Variants in NUMBL observed in about 807,000 individuals in gnomAD.
The protein encoded by NUMBL is NUMB like endocytic adaptor protein.
In NUMBL, 20 loss-of-function variants were observed where a neutral mutation model predicts 48.9. That is an observed-to-expected ratio of 0.41 (90% CI 0.29 to 0.59). NUMBL has a LOEUF of 0.59. Ranked by LOEUF, NUMBL falls within the 20% of genes least tolerant of loss-of-function variation. The probability of loss-of-function intolerance (pLI) is 0.31; values close to 1 mark genes in which losing one functional copy is unlikely to be tolerated. For missense variants in NUMBL, 660 were observed against 846.2 expected (o/e 0.78, Z 2.73); for synonymous variants, 340 against 348.7 (o/e 0.98, Z 0.28).
At position 40,684,400 on chromosome 19, in the gene NUMBL, C is replaced by T. The variant is rs1599913101; in HGVS notation, c.249+17G>A. 6.5e-7 allele frequency: 1 copy of T among 1,548,400 alleles called. No individual in the cohort carries two copies. The highest frequency in any genetic ancestry group is 8.7e-7 in the Non-Finnish European group (1 of 1,151,996). Reference sequence around the variant, plus strand: ...CCCGTCCCCCTCGCCCCGCCGCACCCTGCCGCGCCCACTCACCCTGACCGG... The same window carrying T: ...CCCGTCCCCCTCGCCCCGCCGCACCTTGCCGCGCCCACTCACCCTGACCGG... On this transcript the variant is annotated intron_variant, in intron 3 of 9. Transcript: ENST00000252891.
intron 2 of NUMBL, 34 bp from the exon 3 acceptor site, chr19:40,684,590 T>A: frequency 6.3e-7 from 1 of 1,575,158 alleles, no homozygotes; most frequent in Non-Finnish European, 8.7e-7. Context: ...GGGTCAAGGG[T>A]GGGGGTCAGA....
rs997686406 is a variant in NUMBL, at chr19:40,675,802, C to A, written c.730+1430G>T. On this transcript the variant is annotated intron_variant, in intron 7 of 9. Transcript: ENST00000252891. ...AAAAGTATCATTAAATTATATTTAA[C>A]CCTTATGCCATTCAATATACTCTGA... is the stretch of plus-strand genomic sequence containing the variant. 2.0e-5 allele frequency among the ~76,000 whole-genome samples: 3 copies of A among 152,082 alleles called. No individual in the cohort carries two copies. In the East Asian group the frequency reaches 5.8e-4, roughly 29 times the overall value.
At chr19:40,679,145 T>A (rs143174710) in intron 6 of NUMBL, among the ~76,000 whole-genome samples, 34 of 151,078 alleles carry the variant, frequency 2.3e-4, no homozygotes, top group African/African-American at 6.3e-4. Context: ...ATCCGAGCAC[T>A]TTGGGAGGCC....
At position 40,667,902 on chromosome 19, in the gene NUMBL, G is replaced by A. The variant is rs756718954; in HGVS notation, c.1396C>T (p.Pro466Ser). ...GGTGCAGCGTCAAAGGGCCCCACGGGGGCGGGGAAAGGCTGCAGGGCAGGA... is the reference window on the plus strand; with the variant it reads ...GGTGCAGCGTCAAAGGGCCCCACGGAGGCGGGGAAAGGCTGCAGGGCAGGA... ...MPPALQPFPA[P>S]VGPFDAAPAQ... The change falls in exon 10 of 10, where the codon CCC (proline) becomes TCC (serine). Residue 466 changes from proline to serine, a missense_variant. Around this residue, in one of 3 missense-constraint regions of NUMBL, gnomAD observed 296 missense variants for 339.7 expected, o/e 0.87. Coordinates refer to ENST00000252891, the MANE Select transcript of NUMBL (RefSeq NM_004756.5). The surrounding 1 kb of genome is among the most constrained non-coding windows in gnomAD (Gnocchi z 6.1). 6.3e-7 allele frequency: 1 copy of A among 1,576,914 alleles called. No homozygotes were observed. The highest frequency in any genetic ancestry group is 8.6e-7 in the Non-Finnish European group (1 of 1,161,418).
At chr19:40,690,384 C>T (rs2081959192) in intron 1 of NUMBL, 76 bp downstream of exon 1, 2 of 893,492 alleles carry the variant, frequency 2.2e-6, no homozygotes, top group African/African-American at 1.7e-5. Flanking sequence ...CCGGGCGCCG[C>T]GGCCGCCTCC....
In NUMBL at chr19:40,684,389, C is replaced by G. The variant is rs1262712618; in HGVS notation, c.249+28G>C. On this transcript the variant is annotated intron_variant, in intron 3 of 9. Transcript: ENST00000252891. ...GCACAGCGGCCCCCGTCCCCCTCGC[C>G]CCGCCGCACCCTGCCGCGCCCACTC... 1.9e-6 allele frequency: 3 copies of G among 1,539,496 alleles called. No homozygotes were observed. In the African/African-American group the frequency reaches 4.1e-5, roughly 21 times the overall value.
At chr19:40,670,242 A>G (rs1421443640) in intron 8 of NUMBL, among the ~76,000 whole-genome samples, 1 of 152,214 alleles carries the variant, frequency 6.6e-6, no homozygotes, top group Non-Finnish European at 1.5e-5. Context: ...TGACAGTAAC[A>G]GGGACCCCAA....
chr19:40,676,800 A>G (rs1303150067), intron 7 of NUMBL, among the ~76,000 whole-genome samples: 1 of 151,766 alleles, frequency 6.6e-6, no homozygotes, highest in Non-Finnish European at 1.5e-5. Flanking sequence ...AACTCTTTCC[A>G]TGGAAGTTGC....
At chr19:40,683,746 AAT>A in intron 3 of NUMBL, among the ~76,000 whole-genome samples, 1 of 148,702 alleles carries the variant, frequency 6.7e-6, no homozygotes, top group South Asian at 2.2e-4. Flanking sequence ...GCTTCCAGGT[AAT>A]AGTTTGCTGG....
chr19:40,669,225 T>A (rs1233140022), intron 9 of NUMBL, among the ~76,000 whole-genome samples: 1 of 152,076 alleles, frequency 6.6e-6, no homozygotes, highest in African/African-American at 2.4e-5. Flanking sequence ...AGATGATCTG[T>A]GTTTCTAAGG....
intron 6 of NUMBL, 129 bp downstream of exon 6, chr19:40,680,776 CGTGAGTATACTT>C: frequency 1.1e-6 from 1 of 944,076 alleles, no homozygotes; most frequent in Non-Finnish European, 1.6e-6. Context: ...AATTGGGAAC[CGTGAGTATACTT>C]TCTTCTCCAG....
At position 40,686,562 on chromosome 19, in the gene NUMBL, G is replaced by GTGTGTA. The variant is rs1482109865; in HGVS notation, c.109+348_109+349insTACACA. Among the ~76,000 whole-genome samples the GTGTGTA allele has an allele frequency of 4.0e-5, 6 of 151,894 alleles. No individual in the cohort carries two copies. In the East Asian group the frequency reaches 5.8e-4, roughly 15 times the overall value. ...GTGTTGTCTAGGAATGTGTGTGTGT[G>GTGTGTA]TATATATGTGTGTACATTAGTGTGA... On this transcript the variant is annotated intron_variant, in intron 2 of 9. Coordinates refer to ENST00000252891, the MANE Select transcript of NUMBL (RefSeq NM_004756.5).
Position 40,684,547 on chromosome 19 carries a change from C to A in NUMBL, c.119G>T (p.Gly40Val). The change falls in exon 3 of 10, where the codon GGC becomes GTC. Residue 40 changes from glycine to valine, a missense_variant. By Grantham distance (109) the Gly-to-Val change is moderately radical. Transcript: ENST00000252891. ...ETCRTEPDGA[G>V]TMNKLRQSLR... ...GCTCTGCCGTAACTTGTTCATGGTGCCCGCCCCGTCTGGTGACACAGGACA... is the reference window on the plus strand; with the variant it reads ...GCTCTGCCGTAACTTGTTCATGGTGACCGCCCCGTCTGGTGACACAGGACA... The A allele has an allele frequency of 6.2e-7, 1 of 1,607,738 alleles. No individual in the cohort carries two copies. Among genetic ancestry groups the A allele is most frequent in the Non-Finnish European group, 8.5e-7 (1 of 1,176,246 alleles).
In NUMBL at chr19:40,677,440, C is replaced by A; in HGVS notation, c.541-19G>T. On this transcript the variant is annotated intron_variant, in intron 6 of 9. Transcript: ENST00000252891. ...TCTCGCCCTATGGGGAGAGGATGGG[C>A]GGGGGGGTTAGAGGCGCTGGGCAGT... 1 of 1,600,132 alleles carries A rather than the reference C, an allele frequency of 6.2e-7. No homozygotes were observed.
In NUMBL at chr19:40,673,786, G is replaced by T; in HGVS notation, c.731-137C>A. 3 of 823,588 alleles carry T rather than the reference G, an allele frequency of 3.6e-6. No homozygotes were observed. The highest frequency in any genetic ancestry group is 2.1e-5 in the South Asian group (1 of 48,544). 51.0% of individuals were successfully genotyped at this position (823,588 alleles called of 1,614,324 possible). On this transcript the variant is annotated intron_variant, in intron 7 of 9. Transcript: ENST00000252891. The surrounding 1 kb of genome is among the most constrained non-coding windows in gnomAD (Gnocchi z 5.9). ...CTGCCCTTAAGACAAGCTAGTCAAA[G>T]CCCTGAGATATCCCTCACCCCCACC...
At chr19:40,684,373 C>G in intron 3 of NUMBL, 44 bp downstream of exon 3, 1 of 1,527,214 alleles carries the variant, frequency 6.5e-7, no homozygotes, top group East Asian at 2.5e-5. Flanking sequence ...AGCACAGCGG[C>G]CCCCGTCCCC....
chr19:40,669,372 CATG>C (rs1169797706), intron 9 of NUMBL, among the ~76,000 whole-genome samples: 1 of 152,016 alleles, frequency 6.6e-6, no homozygotes, highest in Non-Finnish European at 1.5e-5. Context: ...CAGATAATTC[CATG>C]GCTCTAAGAT....
chr19:40,675,717 C>A (rs189483873), intron 7 of NUMBL, among the ~76,000 whole-genome samples: 25 of 150,812 alleles, frequency 1.7e-4, no homozygotes, highest in Middle Eastern at 3.5e-3. Flanking sequence ...TAAGAGATAT[C>A]TTTTATATGG....
Position 40,669,977 on chromosome 19 carries a change from G to T in NUMBL, c.1080C>A (p.Ile360=). The change falls in exon 9 of 10, where the codon ATC becomes ATA. Residue 360 remains isoleucine (I), a synonymous_variant. Coordinates refer to ENST00000252891, the MANE Select transcript of NUMBL (RefSeq NM_004756.5). ...AACTGATCTGTGTGCACAGAGCGTT[G>T]ATGCTGTCACTGTCGCCGGCACCAG... ...EPPGAGDSDS[I]NALCTQISSS... The T allele has an allele frequency of 6.2e-7, 1 of 1,614,058 alleles. No individual in the cohort carries two copies. Among genetic ancestry groups the T allele is most frequent in the Non-Finnish European group, 8.5e-7 (1 of 1,179,972 alleles).
Sources: allele counts gnomAD v4.1 joint callset (sites outside exome capture counted in the v4.1 genomes callset), GRCh38; gene constraint gnomAD v4.1.1; regional missense constraint gnomAD v4.1.1; non-coding constraint Gnocchi (gnomAD v3.1); transcripts MANE v1.5; gene names NCBI Gene and HGNC (gene_info 2026-07-23, HGNC 2026-07-21).